PID1: variants seen among roughly 807,000 people sequenced by gnomAD.
The protein encoded by PID1 is PTB-containing, cubilin and LRP1-interacting protein.
Under a neutral mutation model 19.1 loss-of-function variants are expected in PID1, and 10 were observed. The ratio of observed to expected loss-of-function variants is 0.52; its 90% CI spans 0.32 to 0.89. PID1 has a LOEUF of 0.89. Among genes scored for constraint, PID1 ranks in the 40% least tolerant of loss-of-function variants. PID1 has a pLI of 0.03. For missense variants in PID1, 248 were observed against 285.3 expected (o/e 0.87, Z 0.94); for synonymous variants, 130 against 116.0 (o/e 1.12, Z -0.78).
At chr2:229,248,161 T>A (rs1319412993) in intron 1 of PID1, among the ~76,000 whole-genome samples, 5 of 152,204 alleles carry the variant, frequency 3.3e-5, no homozygotes, top group Non-Finnish European at 7.3e-5. Flanking sequence ...CTCAGTGAAG[T>A]CATTTATACT....
intron 1 of PID1, among the ~76,000 whole-genome samples, chr2:229,214,421 A>G (rs1362115778): frequency 6.6e-6 from 1 of 152,168 alleles, no homozygotes; most frequent in East Asian, 1.9e-4. Context: ...AGTCAGCCAA[A>G]ATATACTCAC....
intron 1 of PID1, among the ~76,000 whole-genome samples, chr2:229,237,316 C>T (rs1689733129): frequency 6.6e-6 from 1 of 152,166 alleles, no homozygotes; most frequent in Non-Finnish European, 1.5e-5. Context: ...AAGATATCTA[C>T]AGTTATGAAT....
chr2:229,073,601 C>G (rs765882383), intron 2 of PID1, among the ~76,000 whole-genome samples: 2 of 152,118 alleles, frequency 1.3e-5, no homozygotes, highest in Non-Finnish European at 2.9e-5. Flanking sequence ...CCTAGTCTAA[C>G]TTGTAAATAT....
At chr2:229,098,392 T>A (rs1695012390) in intron 2 of PID1, among the ~76,000 whole-genome samples, 1 of 152,188 alleles carries the variant, frequency 6.6e-6, no homozygotes, top group Admixed American at 6.5e-5. Context: ...TGGGAAACAG[T>A]TTCTTTATGA....
chr2:229,050,667 TCC>T (rs2106183476), intron 2 of PID1, among the ~76,000 whole-genome samples: 1 of 152,214 alleles, frequency 6.6e-6, no homozygotes, highest in African/African-American at 2.4e-5. Flanking sequence ...TGCACAGGAC[TCC>T]CACAGACACA....
chr2:229,149,650 A>G (rs1690206599), intron 2 of PID1, among the ~76,000 whole-genome samples: 1 of 152,216 alleles, frequency 6.6e-6, no homozygotes. Flanking sequence ...TTTACAGATC[A>G]TTAACTCCTT....
chr2:229,200,271 G>A (rs1168643950), intron 1 of PID1, among the ~76,000 whole-genome samples: 3 of 152,102 alleles, frequency 2.0e-5, no homozygotes, highest in South Asian at 2.1e-4. Context: ...TAGGCACATC[G>A]CTTTGCCTCT....
intron 1 of PID1, among the ~76,000 whole-genome samples, chr2:229,205,990 C>A (rs1404825916): frequency 1.3e-5 from 2 of 151,992 alleles, no homozygotes; most frequent in African/African-American, 4.8e-5. Context: ...CAAATTATGC[C>A]CCGTGAGAAA....
chr2:229,070,063 A>G (rs760676597), intron 2 of PID1, among the ~76,000 whole-genome samples: 1 of 152,208 alleles, frequency 6.6e-6, no homozygotes, highest in Non-Finnish European at 1.5e-5. Flanking sequence ...AAACAAGCCA[A>G]AGAAGCCAGC....
At chr2:229,071,288 T>C (rs1166261831) in intron 2 of PID1, among the ~76,000 whole-genome samples, 1 of 152,204 alleles carries the variant, frequency 6.6e-6, no homozygotes, top group Non-Finnish European at 1.5e-5. Flanking sequence ...CTCATACTCC[T>C]GAAAGTAACA....
At chr2:229,241,608 T>G (rs764096010) in intron 1 of PID1, among the ~76,000 whole-genome samples, 4 of 152,140 alleles carry the variant, frequency 2.6e-5, no homozygotes, top group Non-Finnish European at 5.9e-5. Context: ...TCAAACTATA[T>G]CCTTTCCTGA....
At chr2:229,060,360 A>G (rs1005733457) in intron 2 of PID1, among the ~76,000 whole-genome samples, 2 of 152,220 alleles carry the variant, frequency 1.3e-5, no homozygotes, top group African/African-American at 4.8e-5. Context: ...TATGGATGAC[A>G]TCATACAGTA....
At chr2:229,216,892 T>TA (rs869113815) in intron 1 of PID1, among the ~76,000 whole-genome samples, 3 of 152,124 alleles carry the variant, frequency 2.0e-5, no homozygotes, top group Admixed American at 6.5e-5. Context: ...TATATTTTTT[T>TA]AAAAAAAAGC....
intron 2 of PID1, among the ~76,000 whole-genome samples, chr2:229,040,341 A>C (rs1693746323): frequency 6.6e-6 from 1 of 151,984 alleles, no homozygotes; most frequent in African/African-American, 2.4e-5. Flanking sequence ...ACAAACAAAC[A>C]AACAAAGTAA....
At chr2:229,215,547 A>G (rs1691826503) in intron 1 of PID1, among the ~76,000 whole-genome samples, 1 of 152,242 alleles carries the variant, frequency 6.6e-6, no homozygotes. Context: ...CCCCTTGACC[A>G]TAAGCAGAGC....
At chr2:229,199,560 C>T (rs1209809839) in intron 1 of PID1, among the ~76,000 whole-genome samples, 1 of 151,728 alleles carries the variant, frequency 6.6e-6, no homozygotes, top group Non-Finnish European at 1.5e-5. Flanking sequence ...AATAAGAACA[C>T]ACATAAAATA....
chr2:229,065,306 A>T (rs2106196550), intron 2 of PID1, among the ~76,000 whole-genome samples: 1 of 152,258 alleles, frequency 6.6e-6, no homozygotes, highest in East Asian at 1.9e-4. Context: ...GCAGGAAAAA[A>T]ATTCCTTCTC....
chr2:229,123,861 C>CT (rs1370697932), intron 2 of PID1, among the ~76,000 whole-genome samples: 1 of 152,124 alleles, frequency 6.6e-6, no homozygotes, highest in South Asian at 2.1e-4. Context: ...TTAGTTGGTT[C>CT]TTTTTTTATT....
At chr2:229,126,236 C>T (rs1195632766) in intron 2 of PID1, among the ~76,000 whole-genome samples, 1 of 152,016 alleles carries the variant, frequency 6.6e-6, no homozygotes, top group Non-Finnish European at 1.5e-5. Context: ...TGCTGCAGTC[C>T]CAAAGGAGGT....
Sources: gnomAD v4.1 joint callset for allele counts (sites outside exome capture counted in the v4.1 genomes callset) on GRCh38, gnomAD v4.1.1 for gene constraint, MANE v1.5 for transcripts, NCBI Gene and HGNC (gene_info 2026-07-23, HGNC 2026-07-21) for gene names.